DACH2: variants seen among roughly 807,000 people sequenced by gnomAD.
DACH2 encodes dachshund family transcription factor 2.
In DACH2, 17 loss-of-function variants were observed where a neutral mutation model predicts 35.8. That is an observed-to-expected ratio of 0.48 (90% CI 0.33 to 0.71). DACH2 has a LOEUF of 0.71. DACH2 is among the 30% of genes least tolerant of loss of function. The pLI is 0.02. For missense variants in DACH2, 469 were observed against 472.7 expected (o/e 0.99, Z 0.07); for synonymous variants, 195 against 177.3 (o/e 1.10, Z -0.79).
At chrX:86,537,957 G>C (rs1347678289) in intron 3 of DACH2, among the ~76,000 whole-genome samples, 1 of 110,320 alleles carries the variant, frequency 9.1e-6, no homozygotes, top group Non-Finnish European at 1.9e-5. Flanking sequence ...CCCCGCCCCT[G>C]CCCACCAGAG....
At chrX:86,290,591 A>ATTT (rs1258541047) in intron 1 of DACH2, among the ~76,000 whole-genome samples, 1 of 109,115 alleles carries the variant, frequency 9.2e-6, no homozygotes, top group East Asian at 2.9e-4. Context: ...TCTTGAATTG[A>ATTT]TTTTTGTATC....
intron 11 of DACH2, among the ~76,000 whole-genome samples, chrX:86,817,033 A>G (rs1260590195): frequency 8.9e-6 from 1 of 111,769 alleles, no homozygotes; most frequent in Non-Finnish European, 1.9e-5. Context: ...ATTTGGGTTC[A>G]TCTAAGAGTC....
intron 1 of DACH2, among the ~76,000 whole-genome samples, chrX:86,291,597 C>G (rs2034296573): frequency 9.2e-6 from 1 of 108,848 alleles, no homozygotes; most frequent in South Asian, 4.0e-4. Context: ...GAGATACATC[C>G]CATCAATACC....
intron 7 of DACH2, among the ~76,000 whole-genome samples, chrX:86,749,564 G>A (rs2041750172): frequency 9.0e-6 from 1 of 111,204 alleles, no homozygotes; most frequent in Admixed American, 9.6e-5. Context: ...TATAGGAGCA[G>A]TGCATGGAGT....
chrX:86,610,445 TC>T (rs2039929170), intron 3 of DACH2, among the ~76,000 whole-genome samples: 2 of 101,500 alleles, frequency 2.0e-5, no homozygotes, highest in Admixed American at 1.1e-4. Flanking sequence ...TTTCTTTCTT[TC>T]TTTTTCTTTC....
chrX:86,667,617 G>GA (rs2040715484), intron 4 of DACH2, among the ~76,000 whole-genome samples: 1 of 101,119 alleles, frequency 9.9e-6, no homozygotes, highest in African/African-American at 3.6e-5. Context: ...AGAAAGAAAG[G>GA]CAGGCAGGCC....
chrX:86,562,599 A>T (rs979079356), intron 3 of DACH2, among the ~76,000 whole-genome samples: 1 of 111,695 alleles, frequency 9.0e-6, no homozygotes, highest in Non-Finnish European at 1.9e-5. Context: ...ACATACATAA[A>T]TTCACCAAAT....
intron 3 of DACH2, among the ~76,000 whole-genome samples, chrX:86,599,240 C>T (rs1285841038): frequency 9.0e-6 from 1 of 111,130 alleles, no homozygotes; most frequent in Non-Finnish European, 1.9e-5. Context: ...AGGGGAAAAA[C>T]CTGCATCACT....
intron 3 of DACH2, among the ~76,000 whole-genome samples, chrX:86,578,753 G>T (rs1339949925): frequency 4.5e-5 from 5 of 111,463 alleles, no homozygotes; most frequent in Non-Finnish European, 9.4e-5. Flanking sequence ...TTCTTGTGTA[G>T]ATTAGTTTTC....
intron 4 of DACH2, among the ~76,000 whole-genome samples, chrX:86,666,312 T>TGTGTGTGAGAGA (rs112267843): frequency 1.0e-5 from 1 of 99,935 alleles, no homozygotes; most frequent in Non-Finnish European, 2.0e-5. Flanking sequence ...TGTGTGTGTG[T>TGTGTGTGAGAGA]GAGAGAGAGA....
At chrX:86,185,705 A>G (rs997448158) in intron 1 of DACH2, among the ~76,000 whole-genome samples, 3 of 111,622 alleles carry the variant, frequency 2.7e-5, no homozygotes, top group African/African-American at 9.8e-5. Context: ...GTAGCCTTTC[A>G]TACATGATTC....
At chrX:86,229,486 T>G (rs995182084) in intron 1 of DACH2, among the ~76,000 whole-genome samples, 2 of 111,926 alleles carry the variant, frequency 1.8e-5, no homozygotes, top group African/African-American at 6.5e-5. Context: ...TACAATTGTT[T>G]TTTCTAACTC....
intron 2 of DACH2, among the ~76,000 whole-genome samples, chrX:86,473,641 G>T (rs1316696707): frequency 1.8e-5 from 2 of 110,542 alleles, no homozygotes; most frequent in African/African-American, 6.6e-5. Context: ...TCTGTGCCTG[G>T]CTTATTTCAC....
At chrX:86,828,066 T>G (rs748795184) in intron 11 of DACH2, 11 of 259,055 alleles carry the variant, frequency 4.2e-5, no homozygotes, top group Non-Finnish European at 6.2e-5. Context: ...AAAAACATTA[T>G]CACATTAATT....
chrX:86,347,302 T>C (rs1254036753), intron 1 of DACH2, among the ~76,000 whole-genome samples: 3 of 112,737 alleles, frequency 2.7e-5, no homozygotes, highest in African/African-American at 9.7e-5. Context: ...AAGCCGTAAA[T>C]TAAGCAATGA....
chrX:86,820,646 T>G (rs1160606881), intron 11 of DACH2, among the ~76,000 whole-genome samples: 1 of 111,257 alleles, frequency 9.0e-6, no homozygotes, highest in Non-Finnish European at 1.9e-5. Context: ...CATTTTAACA[T>G]CTATTATAAT....
chrX:86,750,201 C>A lies in DACH2; in HGVS notation c.1240+10319C>A. ...TCAAGAGGAAAGCTTTCAGTTTTTA[C>A]CATTGAATATTATGTGATTGGTGGG... is the stretch of plus-strand genomic sequence containing the variant. On this transcript the variant is annotated intron_variant, in intron 7 of 11. Coordinates refer to ENST00000373125, the MANE Select transcript of DACH2 (RefSeq NM_053281.3). Among the ~76,000 whole-genome samples the A allele has an allele frequency of 2.7e-5, 3 of 111,019 alleles. No homozygotes were observed. The South Asian group carries it at 1.1e-3, about 42-fold the overall frequency.
In DACH2 at chrX:86,775,268, G is replaced by A. The variant is rs779498330; in HGVS notation, c.1240+35386G>A. ...GAAGATATGAGGTGTTTTAGTTCAG[G>A]GGTCCCCAACCTCTGGGCCTTGGAC... On this transcript the variant is annotated intron_variant, in intron 7 of 11. Coordinates refer to ENST00000373125, the MANE Select transcript of DACH2 (RefSeq NM_053281.3). 2.7e-5 allele frequency among the ~76,000 whole-genome samples: 3 copies of A among 110,978 alleles called. No individual in the cohort carries two copies. The East Asian group carries it at 8.6e-4, about 32-fold the overall frequency.
At chrX:86,485,113 A>G (rs752126658) in intron 2 of DACH2, among the ~76,000 whole-genome samples, 5 of 112,103 alleles carry the variant, frequency 4.5e-5, no homozygotes, top group African/African-American at 1.6e-4. Context: ...CTTATATAAT[A>G]TACAGATTAG....
Sources: gnomAD v4.1 joint callset for allele counts (sites outside exome capture counted in the v4.1 genomes callset) on GRCh38, gnomAD v4.1.1 for gene constraint, MANE v1.5 for transcripts, NCBI Gene and HGNC (gene_info 2026-07-23, HGNC 2026-07-21) for gene names.